Variants in FAM53A observed in about 807,000 individuals in gnomAD.
FAM53A encodes family with sequence similarity 53 member A.
FAM53A carries 28 observed loss-of-function variants against 26.6 expected under a neutral mutation model. The ratio of observed to expected loss-of-function variants is 1.05; its 90% CI spans 0.78 to 1.45. The LOEUF is 1.45. Ranked by LOEUF, FAM53A falls within the 40% of genes most tolerant of loss-of-function variation. The pLI, the probability that FAM53A is intolerant of heterozygous loss-of-function variation, is 0.00. For missense variants in FAM53A, 650 were observed against 575.8 expected, an observed-to-expected ratio of 1.13 and a Z score of -1.32; for synonymous variants, 290 against 253.1, an observed-to-expected ratio of 1.15 and a Z score of -1.38.
At chr4:1,615,835 C>G (rs528074352), downstream of FAM53A, among the ~76,000 whole-genome samples, 3 of 152,228 alleles carry the variant, frequency 2.0e-5, no homozygotes, top group Non-Finnish European at 4.4e-5. Flanking sequence ...GATGAAGGAC[C>G]ATGCACTTTT....
the FAM53A span, among the ~76,000 whole-genome samples, chr4:1,606,099 C>T: frequency 5.4e-5 from 8 of 147,662 alleles, no homozygotes; most frequent in South Asian, 1.3e-3. Flanking sequence ...AGTGCAGTGG[C>T]GCGATCTCAA....
At chr4:1,594,438 C>G in the FAM53A span, among the ~76,000 whole-genome samples, 1 of 152,156 alleles carries the variant, frequency 6.6e-6, no homozygotes, top group South Asian at 2.1e-4. Context: ...CCGGGGTATA[C>G]AAGCAGGCAC....
At chr4:1,652,512 C>T (rs918072830) in intron 4 of FAM53A, among the ~76,000 whole-genome samples, 1 of 145,374 alleles carries the variant, frequency 6.9e-6, no homozygotes, top group Non-Finnish European at 1.5e-5. Context: ...ACCACACATT[C>T]CACACACCAT....
chr4:1,662,562 A>G (rs1713918789), intron 2 of FAM53A, among the ~76,000 whole-genome samples: 1 of 149,486 alleles, frequency 6.7e-6, no homozygotes. Context: ...AGGGAGGAGG[A>G]TCACTTGAGC....
chr4:1,597,058 C>T, the FAM53A span, among the ~76,000 whole-genome samples: 2 of 152,144 alleles, frequency 1.3e-5, no homozygotes, highest in Non-Finnish European at 2.9e-5. Context: ...ACAGGCAGCT[C>T]CTCTGGCATC....
intron 1 of FAM53A, among the ~76,000 whole-genome samples, chr4:1,676,754 T>A (rs1715072602): frequency 1.3e-5 from 2 of 152,072 alleles, no homozygotes; most frequent in African/African-American, 4.8e-5. Context: ...TCACGGTGTA[T>A]CTCTTTGCCA....
At chr4:1,622,809 C>G (rs914722900) in intron 1 of FAM53A, among the ~76,000 whole-genome samples, 4 of 152,170 alleles carry the variant, frequency 2.6e-5, no homozygotes, top group African/African-American at 9.7e-5. Context: ...TCTCCTGAAG[C>G]CCCCACCAGG....
intron 4 of FAM53A, among the ~76,000 whole-genome samples, chr4:1,646,288 A>T (rs1202262949): frequency 1.3e-5 from 2 of 151,992 alleles, no homozygotes; most frequent in African/African-American, 4.8e-5. Context: ...TTTAGTAGAG[A>T]CAGGGTTTCA....
downstream of FAM53A, among the ~76,000 whole-genome samples, chr4:1,612,938 T>A (rs946311221): frequency 6.6e-5 from 10 of 152,098 alleles, no homozygotes; most frequent in Admixed American, 1.3e-4. Context: ...CTGCTACACA[T>A]ATGTACATCT....
chr4:1,594,365 G>C, the FAM53A span, among the ~76,000 whole-genome samples: 7 of 152,172 alleles, frequency 4.6e-5, no homozygotes, highest in Non-Finnish European at 7.3e-5. Flanking sequence ...ACCCTGGGCA[G>C]GATCTAACAA....
chr4:1,653,059 CAT>C (rs1465476373), intron 4 of FAM53A, among the ~76,000 whole-genome samples: 2 of 150,924 alleles, frequency 1.3e-5, no homozygotes, highest in East Asian at 2.0e-4. Flanking sequence ...ACACACCACC[CAT>C]AGACGTCACA....
the FAM53A span, among the ~76,000 whole-genome samples, chr4:1,577,134 G>C: frequency 3.3e-5 from 5 of 152,180 alleles, no homozygotes; most frequent in Non-Finnish European, 7.4e-5. Flanking sequence ...CTCGTGGTAG[G>C]GGAGGGCTGG....
chr4:1,655,867 C>CACTGTGCGCCACGGACATCTT, intron 3 of FAM53A, 144 bp from the exon 4 acceptor site: 1 of 1,040,010 alleles, frequency 9.6e-7, no homozygotes, highest in Non-Finnish European at 1.3e-6. Context: ...CCAAGATGTC[C>CACTGTGCGCCACGGACATCTT]GTGGCGCACA....
rs181475799 is a variant in FAM53A, at chr4:1,662,297, G to A, written c.76-4829C>T. On this transcript the variant is annotated intron_variant, in intron 2 of 4. Transcript: ENST00000308132. ...AGTTCAAGACCAGCCTGGCCAACAT[G>A]GTGAAATTCCATCTCTACTAAAAAT... Among the ~76,000 whole-genome samples, 19 of 152,086 alleles carry A rather than the reference G, an allele frequency of 1.2e-4. No homozygotes were observed. The East Asian group carries it at 3.7e-3, about 29-fold the overall frequency.
At chr4:1,575,719 A>G in the FAM53A span, among the ~76,000 whole-genome samples, 6 of 152,202 alleles carry the variant, frequency 3.9e-5, no homozygotes, top group Middle Eastern at 0.014. Context: ...GGGGTCCTAA[A>G]CAAGCCAATC....
chr4:1,659,849 C>T lies in FAM53A; in HGVS notation c.76-2381G>A, dbSNP rs1713697911. On this transcript the variant is annotated intron_variant, in intron 2 of 4. Transcript: ENST00000308132. This position sits in a 1 kb window ranked among gnomAD's most constrained non-coding sequence, Gnocchi z 5.2. The stretch of plus-strand genomic sequence containing the variant: ...TCCTCTCTGATGCCTCTCACATATG[C>T]GCACTTAATTCCATTCATGAGGGCA... Among the ~76,000 whole-genome samples the T allele has an allele frequency of 6.6e-6, 1 of 152,204 alleles. No homozygotes were observed. The highest frequency in any genetic ancestry group is 2.4e-5 in the African/African-American group (1 of 41,448).
chr4:1,603,423 T>C, the FAM53A span, among the ~76,000 whole-genome samples: 1 of 152,016 alleles, frequency 6.6e-6, no homozygotes, highest in Non-Finnish European at 1.5e-5. Flanking sequence ...GGACAGAGGC[T>C]GCTGGGCCGC....
At chr4:1,623,114 C>T (rs1021848506) in intron 1 of FAM53A, among the ~76,000 whole-genome samples, 5 of 152,220 alleles carry the variant, frequency 3.3e-5, no homozygotes, top group South Asian at 2.1e-4. Context: ...CATGCGGTCC[C>T]CCACGCTGAG....
intron 3 of FAM53A, among the ~76,000 whole-genome samples, chr4:1,655,957 G>A (rs970833483): frequency 6.6e-6 from 1 of 152,116 alleles, no homozygotes; most frequent in Non-Finnish European, 1.5e-5. Context: ...CGTGTCTGAA[G>A]GAGGTGTCAG....
Sources: gnomAD v4.1 joint callset for allele counts (sites outside exome capture counted in the v4.1 genomes callset) on GRCh38, gnomAD v4.1.1 for gene constraint, Gnocchi (gnomAD v3.1) non-coding constraint, MANE v1.5 for transcripts, NCBI Gene and HGNC (gene_info 2026-07-23, HGNC 2026-07-21) for gene names.